The following FBP2 variants were observed in gnomAD, a reference collection of about 807,000 sequenced individuals.
The protein encoded by FBP2 is fructose-bisphosphatase 2.
FBP2 carries 27 observed loss-of-function variants against 31.6 expected under a neutral mutation model. The ratio of observed to expected loss-of-function variants is 0.85; its 90% CI spans 0.63 to 1.18. FBP2 has a LOEUF of 1.18. Among genes scored for constraint, FBP2 ranks in the 50% most tolerant of loss-of-function variants. FBP2 has a pLI of 0.00. For missense variants in FBP2, 421 were observed against 436.1 expected, an observed-to-expected ratio of 0.97 and a Z score of 0.31; for synonymous variants, 168 against 179.8, an observed-to-expected ratio of 0.93 and a Z score of 0.53.
chr9:94,592,101 T>C (rs956754921), intron 1 of FBP2, among the ~76,000 whole-genome samples: 2 of 152,184 alleles, frequency 1.3e-5, no homozygotes, highest in African/African-American at 4.8e-5. Context: ...GCAAAGTCCC[T>C]GTCTACCGTC....
Position 94,571,577 on chromosome 9 carries a change from T to C in FBP2, c.452A>G (p.Lys151Arg). The change falls in exon 4 of 7, where the codon AAG becomes AGG. Residue 151 changes from lysine (K) to arginine (R), a missense_variant. Coordinates refer to ENST00000375337, the MANE Select transcript of FBP2 (RefSeq NM_003837.4). ...ATTGCGGCCACACTGCAGGGCATCC[T>C]TTTCAGAAGGCTCATCCTCTGAGGT... ...RKTSEDEPSE[K>R]DALQCGRNIV... 1 of 1,613,102 alleles carries C rather than the reference T, an allele frequency of 6.2e-7. No homozygotes were observed. Among genetic ancestry groups the C allele is most frequent in the Non-Finnish European group, 8.5e-7 (1 of 1,179,434 alleles).
At chr9:94,586,905 T>C (rs567383196) in intron 2 of FBP2, 49 of 161,182 alleles carry the variant, frequency 3.0e-4, no homozygotes, top group Admixed American at 1.4e-3. Flanking sequence ...CTGCTGAAAC[T>C]GTAACCCCTC....
chr9:94,561,658 G>C (rs12684576), intron 6 of FBP2, among the ~76,000 whole-genome samples: 13,349 of 152,024 alleles, frequency 0.088, 1,145 homozygotes, highest in African/African-American at 0.21. Flanking sequence ...AGCCACCGCA[G>C]CCAGCCATGA....
At chr9:94,577,347 C>T (rs1459275048) in intron 3 of FBP2, 1 of 152,220 alleles carries the variant, frequency 6.6e-6, no homozygotes, top group Non-Finnish European at 1.5e-5. Flanking sequence ...AACATCATGG[C>T]CTCTGATTTT....
At chr9:94,563,518 C>G in intron 5 of FBP2, 57 bp from the exon 6 acceptor site, 1 of 1,580,956 alleles carries the variant, frequency 6.3e-7, no homozygotes, top group East Asian at 2.3e-5. Context: ...TAGCCAGCAC[C>G]TGCTCGTGGT....
chr9:94,567,541 C>T (rs1827209608), intron 4 of FBP2, 134 bp from the exon 5 acceptor site: 1 of 954,004 alleles, frequency 1.0e-6, no homozygotes. Context: ...TCACTCTGAA[C>T]CTGCTCTTTG....
intron 1 of FBP2, among the ~76,000 whole-genome samples, chr9:94,590,917 A>G (rs542369877): frequency 3.9e-5 from 6 of 152,174 alleles, no homozygotes; most frequent in Non-Finnish European, 8.8e-5. Flanking sequence ...TTCCACACAC[A>G]GGTTCTCCAA....
intron 2 of FBP2, among the ~76,000 whole-genome samples, 176 bp from the exon 3 acceptor site, chr9:94,584,845 A>G (rs1827410301): frequency 1.3e-5 from 2 of 152,136 alleles, no homozygotes; most frequent in African/African-American, 2.4e-5. Flanking sequence ...TTTATACACA[A>G]ATACTCCTCT....
rs547296641 is a variant in FBP2 at position 94,572,699 on chromosome 9, T to TCA, written c.427-1099_427-1098dup. Among the ~76,000 whole-genome samples, 373 of 151,542 alleles carry TCA rather than the reference T, an allele frequency of 2.5e-3. 1 individual carries two copies. Among genetic ancestry groups the TCA allele is most frequent in the African/African-American group, 7.6e-3 (314 of 41,262 alleles). On this transcript the variant is annotated intron_variant, in intron 3 of 6. Coordinates refer to ENST00000375337, the MANE Select transcript of FBP2 (RefSeq NM_003837.4). ...CCAGTCCACAGATATTGCATTTAAT[T>TCA]CACACACACACACAACACACACATG...
chr9:94,587,753 G>A (rs1827444789), intron 1 of FBP2, among the ~76,000 whole-genome samples: 1 of 152,204 alleles, frequency 6.6e-6, no homozygotes, highest in Non-Finnish European at 1.5e-5. Flanking sequence ...AGGAGATGGA[G>A]CAGATGGGGG....
At chr9:94,589,209 C>T (rs1201443969) in intron 1 of FBP2, among the ~76,000 whole-genome samples, 1 of 152,136 alleles carries the variant, frequency 6.6e-6, no homozygotes, top group African/African-American at 2.4e-5. Flanking sequence ...GCTCAGCCAC[C>T]CCGCCACCCT....
chr9:94,559,353 G>A (rs1033456813), intron 6 of FBP2, among the ~76,000 whole-genome samples: 18 of 152,318 alleles, frequency 1.2e-4, no homozygotes, highest in African/African-American at 4.3e-4. Flanking sequence ...CTCTGGCCAG[G>A]TGACTGAGCC....
chr9:94,593,643 A>G lies in FBP2; in HGVS notation c.84T>C (p.Thr28=). Residue 28 remains threonine (T), a synonymous_variant, in exon 1 of 7, where the codon ACT becomes ACC. Coordinates refer to ENST00000375337, the MANE Select transcript of FBP2 (RefSeq NM_003837.4). The stretch of plus-strand genomic sequence containing the variant: ...AGTTCAGCAGCTGGGTGAGCTCCCC[A>G]GTCCCTTTGGCCTGACGCCCCTTTT... ...VMEKGRQAKG[T]GELTQLLNSM... 6.2e-7 allele frequency: 1 copy of G among 1,614,198 alleles called. No homozygotes were observed. Among genetic ancestry groups the G allele is most frequent in the Non-Finnish European group, 8.5e-7 (1 of 1,180,024 alleles).
At chr9:94,573,440 T>C (rs1827288446) in intron 3 of FBP2, among the ~76,000 whole-genome samples, 1 of 152,172 alleles carries the variant, frequency 6.6e-6, no homozygotes, top group Non-Finnish European at 1.5e-5. Context: ...AATGTCTTTT[T>C]TGAGATGGGG....
intron 1 of FBP2, among the ~76,000 whole-genome samples, chr9:94,592,988 G>A (rs1048282544): frequency 6.6e-6 from 1 of 152,120 alleles, no homozygotes; most frequent in African/African-American, 2.4e-5. Flanking sequence ...GCACCTCCCG[G>A]CTTCCTGCAC....
Position 94,587,277 on chromosome 9 carries a change from G to A in FBP2, c.333+30C>T, listed in dbSNP as rs766961267. 4.4e-6 allele frequency: 7 copies of A among 1,581,166 alleles called. No homozygotes were observed. The South Asian group carries it at 8.2e-5, about 18-fold the overall frequency. On this transcript the variant is annotated intron_variant, in intron 2 of 6. Coordinates refer to ENST00000375337, the MANE Select transcript of FBP2 (RefSeq NM_003837.4). The stretch of plus-strand genomic sequence containing the variant: ...TCCGGCTCAGTATCATCATCTACTG[G>A]CGAGCGGGCACCGCAGCCCCATGAC...
intron 1 of FBP2, among the ~76,000 whole-genome samples, chr9:94,588,278 A>AT (rs1273476944): frequency 1.3e-5 from 2 of 151,962 alleles, no homozygotes; most frequent in South Asian, 2.1e-4. Flanking sequence ...GACTTATTTC[A>AT]TTTTTTTCTT....
chr9:94,559,492 C>T (rs371465632), intron 6 of FBP2, among the ~76,000 whole-genome samples: 3 of 151,028 alleles, frequency 2.0e-5, no homozygotes, highest in African/African-American at 7.4e-5. Context: ...TTGGTGGAAG[C>T]CTTTATATGT....
chr9:94,583,063 CA>C (rs1260410722), intron 3 of FBP2, among the ~76,000 whole-genome samples: 1 of 151,602 alleles, frequency 6.6e-6, no homozygotes, highest in Non-Finnish European at 1.5e-5. Context: ...CCATGTTGGC[CA>C]GGCTGGTCTC....
Sources: allele counts gnomAD v4.1 joint callset (sites outside exome capture counted in the v4.1 genomes callset), GRCh38; gene constraint gnomAD v4.1.1; transcripts MANE v1.5; gene names NCBI Gene and HGNC (gene_info 2026-07-23, HGNC 2026-07-21).